Variants in JCAD observed in about 807,000 individuals in gnomAD.
JCAD encodes junctional cadherin 5 associated.
JCAD carries 40 observed loss-of-function variants against 98.0 expected under a neutral mutation model. That is an observed-to-expected ratio of 0.41 (90% confidence interval 0.32 to 0.53). JCAD has a LOEUF of 0.53. JCAD is among the 20% of genes least tolerant of loss of function. The probability of loss-of-function intolerance (pLI) is 0.31; values close to 1 mark genes in which losing one functional copy is unlikely to be tolerated. For synonymous variants in JCAD, 691 were observed against 682.3 expected, an observed-to-expected ratio of 1.01 and a Z score of -0.20; for missense variants, 1,705 against 1,738.1, an observed-to-expected ratio of 0.98 and a Z score of 0.34.
intron 1 of JCAD, among the ~76,000 whole-genome samples, chr10:30,090,162 A>T (rs1324541674): frequency 2.6e-5 from 4 of 152,240 alleles, no homozygotes; most frequent in Non-Finnish European, 5.9e-5. Context: ...TGACACAAAA[A>T]ATACCCTAAG....
chr10:30,100,604 G>C (rs146055413), intron 1 of JCAD, among the ~76,000 whole-genome samples: 7 of 152,258 alleles, frequency 4.6e-5, no homozygotes, highest in African/African-American at 1.7e-4. Context: ...CGCTGGTCTC[G>C]AACTCCGAAC....
At chr10:30,038,688 T>TAAAAAAA (rs11402293) in intron 2 of JCAD, among the ~76,000 whole-genome samples, 21 of 121,922 alleles carry the variant, frequency 1.7e-4, no homozygotes, top group Non-Finnish European at 3.0e-4. Flanking sequence ...TGTCTCAAAA[T>TAAAAAAA]AAAAAAAAAA....
chr10:30,050,404 C>T (rs1837445472), intron 1 of JCAD, among the ~76,000 whole-genome samples: 1 of 151,836 alleles, frequency 6.6e-6, no homozygotes, highest in African/African-American at 2.4e-5. Flanking sequence ...AACAAAGTCC[C>T]CAGGCTCACT....
At chr10:30,047,952 C>T (rs904582498) in intron 1 of JCAD, 81 bp from the exon 2 acceptor site, 14 of 802,604 alleles carry the variant, frequency 1.7e-5, no homozygotes, top group Non-Finnish European at 2.3e-5. Context: ...GTGGTCCCCC[C>T]ACCAAACCAG....
chr10:30,036,909 G>C (rs1837123757), intron 2 of JCAD, among the ~76,000 whole-genome samples: 1 of 152,176 alleles, frequency 6.6e-6, no homozygotes, highest in Non-Finnish European at 1.5e-5. Context: ...TCCAACCCTA[G>C]TGTCATGTTC....
chr10:30,045,776 C>G (rs537592535), intron 2 of JCAD, among the ~76,000 whole-genome samples: 21 of 152,196 alleles, frequency 1.4e-4, no homozygotes, highest in Non-Finnish European at 8.8e-5. Context: ...GATTTTCCCC[C>G]CTGAGCCTGG....
At chr10:30,022,856 A>T (rs999428373) in intron 3 of JCAD, among the ~76,000 whole-genome samples, 3 of 152,200 alleles carry the variant, frequency 2.0e-5, no homozygotes, top group Non-Finnish European at 2.9e-5. Flanking sequence ...CTAAGTGTAC[A>T]GGGTTTATAA....
rs185598833 is a variant in JCAD at position 30,043,066 on chromosome 10, C to G, written c.281+4466G>C. On this transcript the variant is annotated intron_variant, in intron 2 of 3. Transcript: ENST00000375377. ...TATGAAGGAGAACCAACTCTTGGTC[C>G]TTCTCCACTACTTGCACCTAAGAGA... is the stretch of plus-strand genomic sequence containing the variant. Among the ~76,000 whole-genome samples, 43 of 152,324 alleles carry G rather than the reference C, an allele frequency of 2.8e-4. 1 individual carries two copies. Among genetic ancestry groups the G allele is most frequent in the African/African-American group, 1.0e-3 (42 of 41,580 alleles).
rs187262724 is a variant in JCAD at position 30,020,846 on chromosome 10, G to A, written c.4046-2929C>T. ...TGTGCGGTCATGAAATTATGAGAAC[G>A]TGTGGAAGTCACACTTCGGCTAGTG... On this transcript the variant is annotated intron_variant, in intron 3 of 3. Coordinates refer to ENST00000375377, the MANE Select transcript of JCAD (RefSeq NM_020848.4). 6.6e-5 allele frequency among the ~76,000 whole-genome samples: 10 copies of A among 152,306 alleles called. No homozygotes were observed. The South Asian group carries it at 8.3e-4, about 13-fold the overall frequency.
At chr10:30,052,425 A>G (rs1415080993) in intron 1 of JCAD, among the ~76,000 whole-genome samples, 4 of 152,192 alleles carry the variant, frequency 2.6e-5, no homozygotes, top group Admixed American at 2.6e-4. Flanking sequence ...CAGGCATCGA[A>G]GTCAGCTGCC....
At chr10:30,113,911 T>C (rs560792390) in intron 1 of JCAD, among the ~76,000 whole-genome samples, 67 of 152,312 alleles carry the variant, frequency 4.4e-4, no homozygotes, top group Admixed American at 1.6e-3. Context: ...GATCTTGCTA[T>C]GTTGCCCAGG....
At position 30,026,704 on chromosome 10, in the gene JCAD, C is replaced by G. The variant is rs201392126; in HGVS notation, c.3444G>C (p.Arg1148Ser). ...GGCTCTTGGTCCAGCCGCACTTCCT[C>G]CTGCCATAAAAGGCATCAGTGGACA... ...PRVSTDAFYGRRKCGWTKSPL... is the reference protein window; with the variant it reads ...PRVSTDAFYGSRKCGWTKSPL... Residue 1148 changes from arginine to serine, a missense_variant, in exon 3 of 4, where the codon AGG becomes AGC. Physicochemically the swap from Arg to Ser is moderately radical, Grantham distance 110. Coordinates refer to ENST00000375377, the MANE Select transcript of JCAD (RefSeq NM_020848.4). The G allele has an allele frequency of 3.2e-4, 522 of 1,613,872 alleles. 1 individual carries two copies. Among genetic ancestry groups the G allele is most frequent in the Non-Finnish European group, 2.3e-4 (276 of 1,180,036 alleles).
intron 1 of JCAD, among the ~76,000 whole-genome samples, chr10:30,105,962 C>A (rs1838571621): frequency 6.6e-6 from 1 of 152,228 alleles, no homozygotes; most frequent in Non-Finnish European, 1.5e-5. Flanking sequence ...TCTGCTAACT[C>A]TTCCAAGCAT....
chr10:30,049,063 C>A (rs757492266), intron 1 of JCAD, among the ~76,000 whole-genome samples: 1 of 152,210 alleles, frequency 6.6e-6, no homozygotes, highest in Non-Finnish European at 1.5e-5. Flanking sequence ...AACCTACCTA[C>A]GAGCAAAAGA....
chr10:30,047,917 G>A, intron 1 of JCAD, 46 bp from the exon 2 acceptor site: 2 of 1,280,176 alleles, frequency 1.6e-6, no homozygotes, highest in Non-Finnish European at 2.2e-6. Flanking sequence ...TCTCCCTAGA[G>A]GTCAGTCTGA....
Position 30,027,373 on chromosome 10 carries a change from T to G in JCAD, c.2775A>C (p.Pro925=), listed in dbSNP as rs1250009933. 1.2e-6 allele frequency: 2 copies of G among 1,609,276 alleles called. No individual in the cohort carries two copies. Among genetic ancestry groups the G allele is most frequent in the Non-Finnish European group, 1.7e-6 (2 of 1,180,020 alleles). ...GGCCCGGGGATGGAGGCCAGGCACG[T>G]GGGTGGCCAGGCTGCAGCTCCTCAC... ...SWSEELQPGH[P]RAWPPSPGRF... Residue 925 remains proline, a synonymous_variant, in exon 3 of 4, where the codon CCA becomes CCC. Transcript: ENST00000375377.
intron 1 of JCAD, among the ~76,000 whole-genome samples, chr10:30,080,140 G>GA (rs922289969): frequency 6.0e-5 from 9 of 149,532 alleles, no homozygotes; most frequent in South Asian, 4.2e-4. Context: ...AGTGAGTGAG[G>GA]AAAAAAAAAA....
At chr10:30,096,676 T>A (rs1838373789) in intron 1 of JCAD, among the ~76,000 whole-genome samples, 1 of 151,862 alleles carries the variant, frequency 6.6e-6, no homozygotes, top group African/African-American at 2.4e-5. Flanking sequence ...GGTCCCTGAA[T>A]GTACCCCTTC....
intron 3 of JCAD, among the ~76,000 whole-genome samples, chr10:30,022,970 G>A (rs1836697791): frequency 6.6e-6 from 1 of 152,050 alleles, no homozygotes; most frequent in Non-Finnish European, 1.5e-5. Flanking sequence ...TCCATTCATG[G>A]TAAGTGCCCT....
Sources: gnomAD v4.1 joint callset for allele counts (sites outside exome capture counted in the v4.1 genomes callset) on GRCh38, gnomAD v4.1.1 for gene constraint, MANE v1.5 for transcripts, NCBI Gene and HGNC (gene_info 2026-07-23, HGNC 2026-07-21) for gene names.